RGS7: variants seen among roughly 807,000 people sequenced by gnomAD.
RGS7 encodes regulator of G protein signaling 7.
RGS7 carries 27 observed loss-of-function variants against 81.1 expected under a neutral mutation model. That is an observed-to-expected ratio of 0.33 (90% CI 0.25 to 0.46). RGS7 has a LOEUF of 0.46. Ranked by LOEUF, RGS7 falls within the 20% of genes least tolerant of loss-of-function variation. The pLI, the probability that RGS7 is intolerant of heterozygous loss-of-function variation, is 1.00. For synonymous variants in RGS7, 208 were observed against 207.7 expected, an observed-to-expected ratio of 1.00 and a Z score of -0.01; for missense variants, 396 against 607.4, an observed-to-expected ratio of 0.65 and a Z score of 3.66.
intron 2 of RGS7, among the ~76,000 whole-genome samples, chr1:241,336,478 G>T (rs987445587): frequency 6.6e-6 from 1 of 152,302 alleles, no homozygotes; most frequent in Admixed American, 6.5e-5. Flanking sequence ...AAATATTATT[G>T]CTTCTGCAGA....
chr1:241,079,027 T>G (rs1280505181), intron 3 of RGS7, among the ~76,000 whole-genome samples: 1 of 152,112 alleles, frequency 6.6e-6, no homozygotes, highest in African/African-American at 2.4e-5. Flanking sequence ...TGGAGAGTGT[T>G]TGGGGGGCTC....
chr1:240,937,568 T>C (rs368623908), intron 4 of RGS7, among the ~76,000 whole-genome samples: 2 of 152,184 alleles, frequency 1.3e-5, no homozygotes, highest in Non-Finnish European at 2.9e-5. Context: ...ATCTGTAGAG[T>C]ATGTCTCCCT....
chr1:241,055,375 T>C (rs551697907), intron 3 of RGS7, among the ~76,000 whole-genome samples: 1 of 152,314 alleles, frequency 6.6e-6, no homozygotes, highest in Admixed American at 6.5e-5. Context: ...TTTGATTAAC[T>C]TGCTAGCACA....
chr1:240,788,876 G>A (rs528518450), intron 18 of RGS7, among the ~76,000 whole-genome samples: 4 of 152,242 alleles, frequency 2.6e-5, no homozygotes, highest in South Asian at 2.1e-4. Context: ...GGTGGTTCAC[G>A]CCTGTAATCC....
At chr1:241,072,008 A>ATT (rs914635347) in intron 3 of RGS7, among the ~76,000 whole-genome samples, 1 of 152,096 alleles carries the variant, frequency 6.6e-6, no homozygotes, top group African/African-American at 2.4e-5. Flanking sequence ...GTAAGTTGGA[A>ATT]TTATTAGTTT....
chr1:240,865,777 C>T (rs943438106), intron 9 of RGS7, among the ~76,000 whole-genome samples: 15 of 152,282 alleles, frequency 9.9e-5, no homozygotes, highest in Admixed American at 7.8e-4. Flanking sequence ...CCCTATGCCA[C>T]TTTTTCTTGA....
rs144534579 is a variant in RGS7, at chr1:240,796,856, C to T, written c.*6+3785G>A. Reference sequence around the variant, plus strand: ...ATCCACCAGCACAAATACACCAGGACAGAGAGAACGGGATAGCCAAGGAGG... The same window carrying T: ...ATCCACCAGCACAAATACACCAGGATAGAGAGAACGGGATAGCCAAGGAGG... On this transcript the variant is annotated intron_variant, in intron 18 of 18. Coordinates refer to ENST00000440928, the MANE Select transcript of RGS7 (RefSeq NM_001364886.1). 4.6e-3 allele frequency among the ~76,000 whole-genome samples: 704 copies of T among 152,228 alleles called. 3 individuals are homozygous for T. Among genetic ancestry groups the T allele is most frequent in the African/African-American group, 0.015 (615 of 41,514 alleles).
At position 241,107,642 on chromosome 1, in the gene RGS7, C is replaced by CTA. The variant is rs1428141999; in HGVS notation, c.79-8881_79-8880insTA. On this transcript the variant is annotated intron_variant, in intron 2 of 18. Transcript: ENST00000440928. ...TACCTCCACACTTGGATGCACTAAC[C>CTA]CCATTCTTTTGGAGTCTGTGTTACC... Among the ~76,000 whole-genome samples, 13 of 152,178 alleles carry CTA rather than the reference C, an allele frequency of 8.5e-5. No homozygotes were observed. In the East Asian group the frequency reaches 2.5e-3, roughly 29 times the overall value.
chr1:241,092,663 G>A (rs2063961803), intron 3 of RGS7, among the ~76,000 whole-genome samples: 1 of 152,100 alleles, frequency 6.6e-6, no homozygotes. Context: ...TTTCTATTGT[G>A]GTAGAGCACT....
At chr1:241,245,298 A>G (rs143531994) in intron 2 of RGS7, among the ~76,000 whole-genome samples, 10 of 152,028 alleles carry the variant, frequency 6.6e-5, no homozygotes, top group Non-Finnish European at 1.0e-4. Context: ...GTCTTATGAC[A>G]GAGTTCTCAA....
intron 4 of RGS7, among the ~76,000 whole-genome samples, chr1:240,941,357 T>C (rs558610722): frequency 6.6e-6 from 1 of 152,282 alleles, no homozygotes; most frequent in Non-Finnish European, 1.5e-5. Context: ...CCAGAAAATA[T>C]AGCTCCAGAG....
At chr1:241,148,213 G>A (rs2068495699) in intron 2 of RGS7, among the ~76,000 whole-genome samples, 1 of 151,796 alleles carries the variant, frequency 6.6e-6, no homozygotes, top group African/African-American at 2.4e-5. Context: ...ACAATGCCCA[G>A]CTAATTTTTA....
chr1:241,229,213 G>A (rs1455463272), intron 2 of RGS7, among the ~76,000 whole-genome samples: 1 of 152,082 alleles, frequency 6.6e-6, no homozygotes, highest in African/African-American at 2.4e-5. Context: ...CAGAACAGAT[G>A]GCCCACGGAC....
rs1194727424 is a variant in RGS7 at position 240,955,706 on chromosome 1, G to A, written c.227-19000C>T. ...AAACAGAAAAGAGAGTCCAGGTATA[G>A]ACCCACAGAGTCAATTGATTTTAGA... On this transcript the variant is annotated intron_variant, in intron 4 of 18. Transcript: ENST00000440928. Among the ~76,000 whole-genome samples the A allele has an allele frequency of 2.0e-5, 3 of 152,172 alleles. No individual in the cohort carries two copies. The East Asian group carries it at 5.8e-4, about 29-fold the overall frequency.
At chr1:241,245,497 A>T (rs1391680348) in intron 2 of RGS7, among the ~76,000 whole-genome samples, 1 of 151,886 alleles carries the variant, frequency 6.6e-6, no homozygotes, top group Non-Finnish European at 1.5e-5. Flanking sequence ...CCTTATAAAA[A>T]AAAAAAAAAA....
intron 2 of RGS7, among the ~76,000 whole-genome samples, chr1:241,189,158 A>AT (rs974738602): frequency 2.0e-5 from 3 of 151,992 alleles, no homozygotes; most frequent in Non-Finnish European, 2.9e-5. Flanking sequence ...TTATTTGTTT[A>AT]TTTTTTTGTA....
intron 3 of RGS7, among the ~76,000 whole-genome samples, chr1:241,028,261 T>C (rs935771418): frequency 2.0e-5 from 3 of 152,194 alleles, no homozygotes; most frequent in Admixed American, 2.0e-4. Flanking sequence ...TTGAATTGGA[T>C]TGGGAATCCA....
In RGS7 at chr1:241,310,749, T is replaced by G. The variant is rs145291525; in HGVS notation, c.78+44950A>C. 6.7e-3 allele frequency among the ~76,000 whole-genome samples: 1,016 copies of G among 152,230 alleles called. 8 individuals carry two copies. Among genetic ancestry groups the G allele is most frequent in the Non-Finnish European group, 0.012 (783 of 68,010 alleles). On this transcript the variant is annotated intron_variant, in intron 2 of 18. Transcript: ENST00000440928. ...TTACCCAATTCAGAACTGTCCTACT[T>G]CCTGTTAAATGTGTTGTTAACCAGC...
At chr1:240,977,150 C>T (rs1684248364) in intron 4 of RGS7, among the ~76,000 whole-genome samples, 2 of 141,894 alleles carry the variant, frequency 1.4e-5, no homozygotes, top group Admixed American at 1.4e-4. Flanking sequence ...ATTGCTTTGT[C>T]CTGTTTCTCT....
Sources: gnomAD v4.1 joint callset for allele counts (sites outside exome capture counted in the v4.1 genomes callset) on GRCh38, gnomAD v4.1.1 for gene constraint, MANE v1.5 for transcripts, NCBI Gene and HGNC (gene_info 2026-07-23, HGNC 2026-07-21) for gene names.